LRFN5: variants seen among roughly 807,000 people sequenced by gnomAD.
LRFN5 encodes the protein leucine rich repeat and fibronectin type III domain containing 5, also known as leucine-rich repeat and fibronectin type-III domain-containing protein 5.
A neutral mutation model predicts 45.6 loss-of-function variants in LRFN5; 24 were observed. The ratio of observed to expected loss-of-function variants is 0.53; its 90% CI spans 0.38 to 0.74. The LOEUF (loss-of-function observed/expected upper bound fraction) is 0.74, where lower values mean the gene tolerates loss of function less well. LRFN5 is among the 30% of genes least tolerant of loss of function. The pLI is 0.00. For synonymous variants in LRFN5, 340 were observed against 313.8 expected (o/e 1.08, Z -0.88); for missense variants, 776 against 861.5 (o/e 0.90, Z 1.24).
At chr14:41,628,748 A>G (rs1888431740) in intron 1 of LRFN5, among the ~76,000 whole-genome samples, 1 of 152,196 alleles carries the variant, frequency 6.6e-6, no homozygotes, top group Non-Finnish European at 1.5e-5. Context: ...GATGTCTGAT[A>G]TGGATAGTAG....
chr14:41,856,471 G>C (rs1190747740), intron 2 of LRFN5, among the ~76,000 whole-genome samples: 1 of 151,890 alleles, frequency 6.6e-6, no homozygotes, highest in East Asian at 1.9e-4. Context: ...CCGTCAAGGA[G>C]TTAAAGCCCT....
At chr14:41,818,482 A>T (rs1048644548) in intron 2 of LRFN5, among the ~76,000 whole-genome samples, 4 of 151,894 alleles carry the variant, frequency 2.6e-5, no homozygotes, top group African/African-American at 9.7e-5. Flanking sequence ...TATATCATAT[A>T]CATATGATAT....
intron 2 of LRFN5, among the ~76,000 whole-genome samples, chr14:41,816,522 C>G (rs1887923693): frequency 6.6e-6 from 1 of 151,952 alleles, no homozygotes; most frequent in South Asian, 2.1e-4. Flanking sequence ...ATTTCTGCTT[C>G]ATTTTTGAAG....
intron 2 of LRFN5, among the ~76,000 whole-genome samples, chr14:41,770,597 C>A (rs986653185): frequency 6.6e-5 from 10 of 152,322 alleles, no homozygotes; most frequent in Middle Eastern, 3.4e-3. Flanking sequence ...AAAGCTCCAA[C>A]ACAATCCTCG....
intron 2 of LRFN5, among the ~76,000 whole-genome samples, chr14:41,822,997 T>C (rs1040914472): frequency 6.6e-6 from 1 of 151,878 alleles, no homozygotes; most frequent in Non-Finnish European, 1.5e-5. Flanking sequence ...ATATGTATGA[T>C]ATATTTTTTT....
At chr14:41,757,478 C>T (rs1055261727) in intron 1 of LRFN5, among the ~76,000 whole-genome samples, 3 of 152,236 alleles carry the variant, frequency 2.0e-5, no homozygotes, top group Non-Finnish European at 2.9e-5. Context: ...CCCCCAGCCT[C>T]GCTGCCGCCT....
intron 1 of LRFN5, among the ~76,000 whole-genome samples, chr14:41,728,540 A>G (rs1268424327): frequency 6.6e-6 from 1 of 152,196 alleles, no homozygotes; most frequent in Non-Finnish European, 1.5e-5. Context: ...CAAGAGTGAA[A>G]GATACTGCAT....
intron 1 of LRFN5, among the ~76,000 whole-genome samples, chr14:41,690,778 T>C (rs1193040784): frequency 6.6e-6 from 1 of 152,190 alleles, no homozygotes; most frequent in Non-Finnish European, 1.5e-5. Flanking sequence ...TTGGAGATTA[T>C]AACCGGAGCA....
chr14:41,756,937 T>TTGC (rs1885416199), intron 1 of LRFN5, among the ~76,000 whole-genome samples: 13 of 150,460 alleles, frequency 8.6e-5, no homozygotes, highest in Admixed American at 1.3e-4. Context: ...GGGGTTTTGG[T>TTGC]GTGGGTGTCC....
At chr14:41,644,516 G>A (rs745508868) in intron 1 of LRFN5, among the ~76,000 whole-genome samples, 3 of 152,106 alleles carry the variant, frequency 2.0e-5, no homozygotes, top group Non-Finnish European at 4.4e-5. Flanking sequence ...GTCCAGTTTT[G>A]TTAGTTATCA....
chr14:41,741,906 T>C (rs1273356562), intron 1 of LRFN5, among the ~76,000 whole-genome samples: 1 of 150,850 alleles, frequency 6.6e-6, no homozygotes, highest in African/African-American at 2.4e-5. Context: ...CCAACAGATA[T>C]ATGAAAAAAT....
chr14:41,781,620 A>AAGAAAG (rs1555317558), intron 2 of LRFN5, among the ~76,000 whole-genome samples: 96 of 99,798 alleles, frequency 9.6e-4, no homozygotes, highest in African/African-American at 4.1e-3. Context: ...AAGAAAGAGA[A>AAGAAAG]AGAAAGAAAG....
At chr14:41,652,059 A>T (rs1462202463) in intron 1 of LRFN5, among the ~76,000 whole-genome samples, 2 of 152,090 alleles carry the variant, frequency 1.3e-5, no homozygotes, top group Non-Finnish European at 2.9e-5. Context: ...ATTCTGGAAT[A>T]CTAGGGGTTA....
intron 1 of LRFN5, among the ~76,000 whole-genome samples, chr14:41,713,499 T>C (rs1594638700): frequency 6.8e-6 from 1 of 147,532 alleles, no homozygotes; most frequent in African/African-American, 2.5e-5. Flanking sequence ...ATGAGTAGTA[T>C]TGAGGTATAC....
intron 1 of LRFN5, among the ~76,000 whole-genome samples, chr14:41,692,854 CA>C (rs1490951422): frequency 7.2e-5 from 11 of 151,868 alleles, no homozygotes; most frequent in Non-Finnish European, 7.4e-5. Context: ...CTTCTATAAT[CA>C]TTATCATTGT....
intron 1 of LRFN5, among the ~76,000 whole-genome samples, chr14:41,739,385 A>AATCATCATCATCATCATC (rs60722886): frequency 1.3e-5 from 2 of 148,316 alleles, no homozygotes; most frequent in Non-Finnish European, 3.0e-5. Flanking sequence ...ACATTGTGTC[A>AATCATCATCATCATCATC]ATCATCATCA....
intron 1 of LRFN5, among the ~76,000 whole-genome samples, chr14:41,620,971 A>G (rs1043922404): frequency 8.4e-5 from 5 of 59,734 alleles, no homozygotes; most frequent in Admixed American, 1.8e-4. Flanking sequence ...TGATACATAC[A>G]TTAATAAAAA....
intron 2 of LRFN5, among the ~76,000 whole-genome samples, chr14:41,780,614 T>C (rs1886448643): frequency 6.6e-6 from 1 of 152,116 alleles, no homozygotes; most frequent in Non-Finnish European, 1.5e-5. Flanking sequence ...TTGAGTTTTT[T>C]TGTAAATCAA....
chr14:41,754,155 A>T (rs1157588940), intron 1 of LRFN5, among the ~76,000 whole-genome samples: 1 of 152,118 alleles, frequency 6.6e-6, no homozygotes, highest in Admixed American at 6.6e-5. Flanking sequence ...GTGCTGCTGG[A>T]TTCGGTTTGC....
Sources: gnomAD v4.1 joint callset for allele counts (sites outside exome capture counted in the v4.1 genomes callset) on GRCh38, gnomAD v4.1.1 for gene constraint, MANE v1.5 for transcripts, NCBI Gene and HGNC (gene_info 2026-07-23, HGNC 2026-07-21) for gene names.